The following TCF3 variants were observed in gnomAD, a reference collection of about 807,000 sequenced individuals.
TCF3 encodes transcription factor E2-alpha.
Under a neutral mutation model 72.3 loss-of-function variants are expected in TCF3, and 54 were observed. The ratio of observed to expected loss-of-function variants is 0.75; its 90% CI spans 0.60 to 0.94. The LOEUF (loss-of-function observed/expected upper bound fraction) is 0.94. TCF3 is among the 40% of genes least tolerant of loss of function. The pLI is 0.00. For missense variants in TCF3, 1,078 were observed against 934.4 expected (o/e 1.15, Z -2.00); for synonymous variants, 525 against 412.6 (o/e 1.27, Z -3.30).
intron 5 of TCF3, among the ~76,000 whole-genome samples, chr19:1,630,890 G>A (rs1046984259): frequency 2.0e-5 from 3 of 152,192 alleles, no homozygotes; most frequent in East Asian, 1.9e-4. Flanking sequence ...TGTGAAGCTC[G>A]GGGCATTTCC....
At position 1,625,582 on chromosome 19, in the gene TCF3, T is replaced by TGCCGTCTGCCGCTCTCC; in HGVS notation, c.476_492dup (p.Ser165GlyfsTer8). 6.3e-7 allele frequency: 1 copy of TGCCGTCTGCCGCTCTCC among 1,583,728 alleles called. No homozygotes were observed. Among genetic ancestry groups the TGCCGTCTGCCGCTCTCC allele is most frequent in the Non-Finnish European group, 8.6e-7 (1 of 1,168,046 alleles). On this transcript the variant is annotated frameshift_variant, in exon 7 of 19. Transcript: ENST00000262965. LOFTEE classifies it high-confidence loss of function. ...CCGGCCAGACCCCGCTCACCTAGGC[T>TGCCGTCTGCCGCTCTCC]GCCGTCTGCCGCTCTCCGCCGGGAG...
intron 5 of TCF3, among the ~76,000 whole-genome samples, chr19:1,631,640 G>C (rs2144885261): frequency 6.6e-6 from 1 of 152,138 alleles, no homozygotes; most frequent in African/African-American, 2.4e-5. Flanking sequence ...CTGCGGAAGG[G>C]CATGGGCTCT....
intron 2 of TCF3, among the ~76,000 whole-genome samples, chr19:1,649,596 G>C (rs546422775): frequency 6.6e-6 from 1 of 152,174 alleles, no homozygotes; most frequent in East Asian, 1.9e-4. Flanking sequence ...GTTTTGTTTT[G>C]TCTTTTTGAG....
At chr19:1,651,035 G>T (rs1283235535) in intron 1 of TCF3, 1 of 231,538 alleles carries the variant, frequency 4.3e-6, no homozygotes, top group African/African-American at 2.2e-5. Context: ...GCAAAACTTT[G>T]ACAACATCCC....
intron 8 of TCF3, among the ~76,000 whole-genome samples, chr19:1,623,148 G>A (rs934098691): frequency 1.3e-5 from 2 of 152,116 alleles, no homozygotes; most frequent in Middle Eastern, 3.2e-3. Flanking sequence ...CGGCTGGAGG[G>A]GTGAGGAGAT....
At chr19:1,629,468 G>A (rs1461107893) in intron 5 of TCF3, among the ~76,000 whole-genome samples, 1 of 152,150 alleles carries the variant, frequency 6.6e-6, no homozygotes, top group South Asian at 2.1e-4. Context: ...TACGGAGGGG[G>A]TCAGCTGGCC....
rs1337517526 is a variant in TCF3, at chr19:1,650,225, C to T, written c.24G>A (p.Ala8=). Residue 8 remains alanine, a synonymous_variant, in exon 2 of 19, where the codon GCG becomes GCA. Coordinates refer to ENST00000262965, the MANE Select transcript of TCF3 (RefSeq NM_003200.5). The part of the protein sequence containing the change: MNQPQRM[A]PVGTDKELSD... ...TGAGCTCCTTGTCTGTGCCCACAGG[C>T]GCCATCCTCTGCGGCTGGTTCATTC... The T allele has an allele frequency of 1.6e-5, 25 of 1,571,134 alleles. No individual in the cohort carries two copies. Among genetic ancestry groups the T allele is most frequent in the Middle Eastern group, 1.7e-4 (1 of 6,022 alleles).
chr19:1,641,747 C>T lies in TCF3; in HGVS notation c.145+4608G>A, dbSNP rs115425764. On this transcript the variant is annotated intron_variant, in intron 3 of 18. Transcript: ENST00000262965. ...GGATTATAGGTGTGAGCCACCGCAC[C>T]CAGCTGAAATTTTTCTTTTTTTTTA... 3.1e-3 allele frequency among the ~76,000 whole-genome samples: 474 copies of T among 152,152 alleles called. 4 individuals are homozygous for T. Among genetic ancestry groups the T allele is most frequent in the African/African-American group, 0.011 (452 of 41,490 alleles).
chr19:1,637,525 C>T (rs1160358404), intron 3 of TCF3, among the ~76,000 whole-genome samples: 1 of 152,190 alleles, frequency 6.6e-6, no homozygotes, highest in Non-Finnish European at 1.5e-5. Flanking sequence ...ATAACCGAGA[C>T]CCCATCCCGC....
In TCF3 at chr19:1,625,637, GGTCCCCTT is replaced by G; in HGVS notation, c.430_437del (p.Lys144LeufsTer45). On this transcript the variant is annotated frameshift_variant, in exon 7 of 19. Transcript: ENST00000262965. LOFTEE classifies it high-confidence loss of function. ...CGGAGTAGGAGGGGTAGTACTGGGA[GGTCCCCTT>G]CATGCCCGAAGGGGACAGGGGCCCG... is the stretch of plus-strand genomic sequence containing the variant. 1 of 1,556,540 alleles carries G rather than the reference GGTCCCCTT, an allele frequency of 6.4e-7. No individual in the cohort carries two copies. The highest frequency in any genetic ancestry group is 2.0e-5 in the Admixed American group (1 of 50,322).
At chr19:1,643,590 A>T (rs755768573) in intron 3 of TCF3, among the ~76,000 whole-genome samples, 51 of 152,228 alleles carry the variant, frequency 3.4e-4, no homozygotes, top group Non-Finnish European at 5.4e-4. Context: ...AACATAGCTC[A>T]CTGCAGCCTT....
chr19:1,650,054 C>T (rs561841798), intron 2 of TCF3, 123 bp downstream of exon 2: 6 of 975,222 alleles, frequency 6.2e-6, no homozygotes, highest in Non-Finnish European at 9.0e-6. Flanking sequence ...CCCACCGGGG[C>T]CTCCCATCCA....
intron 13 of TCF3, 152 bp downstream of exon 13, chr19:1,620,816 T>G: frequency 1.3e-6 from 1 of 785,378 alleles, no homozygotes; most frequent in Non-Finnish European, 1.8e-6. Context: ...TTGGGGGCCA[T>G]CTGCTCCCTC....
At chr19:1,637,597 C>T (rs1390977300) in intron 3 of TCF3, among the ~76,000 whole-genome samples, 1 of 152,180 alleles carries the variant, frequency 6.6e-6, no homozygotes, top group African/African-American at 2.4e-5. Context: ...GGAGAACCTG[C>T]CCCTCAAAAC....
At chr19:1,619,072 G>A (rs1325484628) in intron 16 of TCF3, 39 bp downstream of exon 16, 1 of 1,598,508 alleles carries the variant, frequency 6.3e-7, no homozygotes, top group African/African-American at 1.3e-5. Context: ...TTCCCCAACT[G>A]GAACCAGGAG....
At chr19:1,618,547 A>C (rs184887038) in intron 16 of TCF3, among the ~76,000 whole-genome samples, 2 of 137,262 alleles carry the variant, frequency 1.5e-5, no homozygotes, top group Non-Finnish European at 3.1e-5. Context: ...CTCTGCTCCA[A>C]CCCCACGGGT....
At chr19:1,634,428 C>T (rs996497990) in intron 3 of TCF3, among the ~76,000 whole-genome samples, 1 of 152,220 alleles carries the variant, frequency 6.6e-6, no homozygotes, top group Non-Finnish European at 1.5e-5. Context: ...GAGAGGCCTG[C>T]GAGTGGACGG....
intron 18 of TCF3, among the ~76,000 whole-genome samples, chr19:1,613,200 C>T (rs1395001489): frequency 2.0e-5 from 3 of 152,132 alleles, no homozygotes; most frequent in African/African-American, 7.2e-5. Context: ...TCTGTGCACG[C>T]GGCGAATGTG....
In TCF3 at chr19:1,632,360, T is replaced by G. The variant is rs1381603329; in HGVS notation, c.191A>C (p.Gln64Pro). Residue 64 changes from glutamine (Q) to proline (P), a missense_variant, in exon 4 of 19, where the codon CAG (glutamine) becomes CCG (proline). Transcript: ENST00000262965. Reference sequence around the variant, plus strand: ...GCTGGGGTCAAAGGAGGAGCTGCTCTGGTCGCCGCTGCCCCAGGAGCCTGA... The same window carrying G: ...GCTGGGGTCAAAGGAGGAGCTGCTCGGGTCGCCGCTGCCCCAGGAGCCTGA... ...PSSGSWGSGD[Q>P]SSSSFDPSRT... is the part of the protein sequence containing the mutation. The G allele has an allele frequency of 2.5e-6, 4 of 1,592,954 alleles. No individual in the cohort carries two copies. The African/African-American group carries it at 5.4e-5, about 21-fold the overall frequency.
Sources: gnomAD v4.1 joint callset for allele counts (sites outside exome capture counted in the v4.1 genomes callset) on GRCh38, gnomAD v4.1.1 for gene constraint, MANE v1.5 for transcripts, NCBI Gene and HGNC (gene_info 2026-07-23, HGNC 2026-07-21) for gene names.